ZNF438: variants seen among roughly 807,000 people sequenced by gnomAD.
ZNF438 encodes zinc finger protein 438.
ZNF438 carries 25 observed loss-of-function variants against 38.0 expected under a neutral mutation model. The ratio of observed to expected loss-of-function variants is 0.66; its 90% CI spans 0.48 to 0.92. The LOEUF is 0.92. Ranked by LOEUF, ZNF438 falls within the 40% of genes least tolerant of loss-of-function variation. The pLI, the probability that ZNF438 is intolerant of heterozygous loss-of-function variation, is 0.00. For synonymous variants in ZNF438, 372 were observed against 364.1 expected, an observed-to-expected ratio of 1.02 and a Z score of -0.25; for missense variants, 1,007 against 999.6, an observed-to-expected ratio of 1.01 and a Z score of -0.10.
At chr10:30,862,009 A>G (rs1361269829) in intron 4 of ZNF438, among the ~76,000 whole-genome samples, 1 of 152,186 alleles carries the variant, frequency 6.6e-6, no homozygotes, top group Non-Finnish European at 1.5e-5. Flanking sequence ...TTTTGTTGTT[A>G]TTATCACTAA....
At chr10:30,900,863 T>C (rs918673515) in intron 3 of ZNF438, among the ~76,000 whole-genome samples, 11 of 152,210 alleles carry the variant, frequency 7.2e-5, no homozygotes, top group Non-Finnish European at 1.5e-4. Context: ...TTCAAATAGA[T>C]GCAAGCATCA....
At position 30,918,314 on chromosome 10, in the gene ZNF438, C is replaced by T. The variant is rs149679377; in HGVS notation, c.-114-9299G>A. On this transcript the variant is annotated intron_variant, in intron 2 of 5. Transcript: ENST00000413025. ...AGCTTGCTAATTTTACAAAAAGGCC[C>T]GTGGATTTATGCTAGGGATTATGTT... Among the ~76,000 whole-genome samples the T allele has an allele frequency of 2.7e-3, 413 of 152,120 alleles. 3 individuals carry two copies. The highest frequency in any genetic ancestry group is 0.02 in the Middle Eastern group (6 of 294).
chr10:30,988,197 A>C (rs2053063482), intron 1 of ZNF438, among the ~76,000 whole-genome samples: 1 of 152,172 alleles, frequency 6.6e-6, no homozygotes, highest in African/African-American at 2.4e-5. Flanking sequence ...TTACAAAATA[A>C]AATTTAATAG....
At chr10:31,019,212 T>C (rs529100216) in intron 1 of ZNF438, among the ~76,000 whole-genome samples, 1 of 152,292 alleles carries the variant, frequency 6.6e-6, no homozygotes, top group East Asian at 1.9e-4. Flanking sequence ...GGCTTCCTAT[T>C]TCACTTAGCA....
At chr10:31,016,596 C>T (rs2056212926) in intron 1 of ZNF438, among the ~76,000 whole-genome samples, 2 of 152,172 alleles carry the variant, frequency 1.3e-5, no homozygotes, top group South Asian at 2.1e-4. Flanking sequence ...TTTTCTCTTA[C>T]CACTCCTTGG....
exon 5 of ZNF438, chr10:30,850,130 A>G (rs2033290482): frequency 6.2e-7 from 1 of 1,614,062 alleles, no homozygotes; most frequent in Non-Finnish European, 8.5e-7. Context: ...AACAAGAGAA[A>G]ATGTCCCCTC....
At chr10:30,955,504 A>G (rs1159004207) in intron 1 of ZNF438, among the ~76,000 whole-genome samples, 2 of 152,244 alleles carry the variant, frequency 1.3e-5, no homozygotes, top group Non-Finnish European at 2.9e-5. Context: ...TAGAAGCCGG[A>G]AGCCACAATA....
chr10:30,844,921 C>T (rs761987114), exon 6 of ZNF438: 44 of 1,582,834 alleles, frequency 2.8e-5, no homozygotes, highest in Middle Eastern at 1.9e-4. Context: ...AGGAAGGTGG[C>T]GGCAGAGCTC....
intron 1 of ZNF438, among the ~76,000 whole-genome samples, chr10:30,944,935 T>C (rs1224549017): frequency 6.6e-6 from 1 of 152,080 alleles, no homozygotes; most frequent in East Asian, 1.9e-4. Flanking sequence ...TAATTTGAAC[T>C]TTCTTTTTTT....
At chr10:30,976,874 T>C (rs1316611676) in intron 1 of ZNF438, among the ~76,000 whole-genome samples, 1 of 152,094 alleles carries the variant, frequency 6.6e-6, no homozygotes, top group South Asian at 2.1e-4. Context: ...ATAATTAAAA[T>C]TGACGGAAGA....
At chr10:30,968,626 A>T (rs1303130834) in intron 1 of ZNF438, among the ~76,000 whole-genome samples, 1 of 151,814 alleles carries the variant, frequency 6.6e-6, no homozygotes, top group East Asian at 1.9e-4. Context: ...TATTTTTAGT[A>T]GAGATGGGGT....
intron 1 of ZNF438, among the ~76,000 whole-genome samples, chr10:31,005,872 T>C (rs1027269145): frequency 3.9e-5 from 6 of 152,240 alleles, no homozygotes; most frequent in African/African-American, 1.2e-4. Context: ...AAGATATGCA[T>C]ATATGATAAA....
At chr10:30,939,735 G>A (rs977344475) in intron 2 of ZNF438, among the ~76,000 whole-genome samples, 2 of 152,206 alleles carry the variant, frequency 1.3e-5, no homozygotes, top group African/African-American at 2.4e-5. Context: ...CTCTCCTACT[G>A]TTCAACCTGC....
At chr10:30,921,956 G>A (rs910739483) in intron 2 of ZNF438, among the ~76,000 whole-genome samples, 1 of 152,242 alleles carries the variant, frequency 6.6e-6, no homozygotes, top group Admixed American at 6.5e-5. Context: ...CAAAAACGGG[G>A]AAAAATTATA....
intron 1 of ZNF438, among the ~76,000 whole-genome samples, chr10:30,986,167 T>C (rs2052764058): frequency 6.6e-6 from 1 of 152,190 alleles, no homozygotes; most frequent in African/African-American, 2.4e-5. Context: ...AATCACCTAA[T>C]GATACATTTC....
intron 1 of ZNF438, among the ~76,000 whole-genome samples, chr10:31,029,086 C>T (rs915235806): frequency 3.3e-5 from 5 of 152,322 alleles, no homozygotes; most frequent in South Asian, 2.1e-4. Context: ...GAGGTGGTTA[C>T]AGGGATTCAA....
intron 1 of ZNF438, among the ~76,000 whole-genome samples, chr10:30,988,596 T>G (rs1384120546): frequency 6.6e-6 from 1 of 152,132 alleles, no homozygotes; most frequent in Non-Finnish European, 1.5e-5. Context: ...AAGCTTTTAC[T>G]GAGAATTATA....
chr10:30,876,722 G>C (rs1305419611), intron 4 of ZNF438, among the ~76,000 whole-genome samples: 1 of 152,078 alleles, frequency 6.6e-6, no homozygotes, highest in African/African-American at 2.4e-5. Context: ...CCAGTTAACT[G>C]CCAGTGAATA....
intron 2 of ZNF438, among the ~76,000 whole-genome samples, chr10:30,923,102 TAATTG>T (rs1340826131): frequency 6.6e-6 from 1 of 152,222 alleles, no homozygotes; most frequent in Non-Finnish European, 1.5e-5. Context: ...AATGATGGCA[TAATTG>T]AATTGTCAGT....
Sources: allele counts gnomAD v4.1 joint callset (sites outside exome capture counted in the v4.1 genomes callset), GRCh38; gene constraint gnomAD v4.1.1; transcripts MANE v1.5; gene names NCBI Gene and HGNC (gene_info 2026-07-23, HGNC 2026-07-21).